Variants in GNAQ observed in about 807,000 individuals in gnomAD.
The protein encoded by GNAQ is G protein subunit alpha q, also known as guanine nucleotide-binding protein G(q) subunit alpha.
GNAQ carries 8 observed loss-of-function variants against 43.9 expected under a neutral mutation model. The observed-to-expected ratio is 0.18, with a 90% CI of 0.11 to 0.33. The LOEUF (loss-of-function observed/expected upper bound fraction) is 0.33, where lower values mean the gene tolerates loss of function less well. Among genes scored for constraint, GNAQ ranks in the 10% least tolerant of loss-of-function variants. The pLI, the probability that GNAQ is intolerant of heterozygous loss-of-function variation, is 1.00. For synonymous variants in GNAQ, 155 were observed against 170.7 expected, an observed-to-expected ratio of 0.91 and a Z score of 0.71; for missense variants, 158 against 450.8, an observed-to-expected ratio of 0.35 and a Z score of 5.88.
At chr9:77,986,614 T>C (rs1319282679) in intron 1 of GNAQ, among the ~76,000 whole-genome samples, 1 of 152,092 alleles carries the variant, frequency 6.6e-6, no homozygotes, top group African/African-American at 2.4e-5. Flanking sequence ...CAAATGATCC[T>C]TCCTCCTTAG....
At chr9:78,019,622 G>A (rs1267676047) in intron 1 of GNAQ, among the ~76,000 whole-genome samples, 4 of 152,074 alleles carry the variant, frequency 2.6e-5, no homozygotes, top group Non-Finnish European at 4.4e-5. Flanking sequence ...GTCATAATTA[G>A]AGACTTTAGG....
In GNAQ at chr9:77,827,376, A is replaced by G. The variant is rs569342535; in HGVS notation, c.322-11606T>C. Reference sequence around the variant, plus strand: ...ATGAAATCAAACCAAATCCATGTTTAAATAACTAAAAAAAAAAAAAAAAAA... The same window carrying G: ...ATGAAATCAAACCAAATCCATGTTTGAATAACTAAAAAAAAAAAAAAAAAA... On this transcript the variant is annotated intron_variant, in intron 2 of 6. Coordinates refer to ENST00000286548, the MANE Select transcript of GNAQ (RefSeq NM_002072.5). 3.3e-4 allele frequency among the ~76,000 whole-genome samples: 35 copies of G among 106,072 alleles called. 1 individual carries two copies. In the South Asian group the frequency reaches 5.2e-3, roughly 16 times the overall value. 69.6% of individuals were successfully genotyped at this position (106,072 alleles called of 152,430 possible). A position where few individuals can be genotyped will look rare whatever the true frequency, so the allele number is the denominator to read the frequency against.
intron 1 of GNAQ, among the ~76,000 whole-genome samples, chr9:77,947,086 C>A (rs529241126): frequency 6.6e-6 from 1 of 152,372 alleles, no homozygotes; most frequent in African/African-American, 2.4e-5. Flanking sequence ...CCCCAAATAT[C>A]CTTCTCTGCT....
intron 2 of GNAQ, among the ~76,000 whole-genome samples, chr9:77,818,746 T>A (rs1827060303): frequency 6.6e-6 from 1 of 152,102 alleles, no homozygotes; most frequent in Admixed American, 6.6e-5. Context: ...ATGCCTGTAA[T>A]CCTAGCACTT....
chr9:78,018,825 A>T (rs1823870314), intron 1 of GNAQ, among the ~76,000 whole-genome samples: 2 of 152,348 alleles, frequency 1.3e-5, no homozygotes, highest in Non-Finnish European at 2.9e-5. Context: ...AAACATAAAG[A>T]ATATTTTTAA....
At chr9:77,781,043 TCTC>T (rs1826386303) in intron 5 of GNAQ, among the ~76,000 whole-genome samples, 2 of 151,900 alleles carry the variant, frequency 1.3e-5, no homozygotes, top group Admixed American at 6.6e-5. Context: ...ACGGATATTT[TCTC>T]CTATCCAGTA....
At chr9:77,866,165 T>A (rs1016645999) in intron 2 of GNAQ, among the ~76,000 whole-genome samples, 1 of 152,162 alleles carries the variant, frequency 6.6e-6, no homozygotes, top group Non-Finnish European at 1.5e-5. Flanking sequence ...AGAATAAAGT[T>A]GGGCAGTGAT....
At chr9:77,756,891 A>G (rs1825912440) in intron 5 of GNAQ, among the ~76,000 whole-genome samples, 1 of 152,156 alleles carries the variant, frequency 6.6e-6, no homozygotes, top group Admixed American at 6.5e-5. Flanking sequence ...TCTTGTTCCC[A>G]TGAGACCTAT....
intron 2 of GNAQ, among the ~76,000 whole-genome samples, chr9:77,854,913 C>T (rs1564131073): frequency 1.3e-5 from 2 of 152,164 alleles, no homozygotes; most frequent in African/African-American, 4.8e-5. Flanking sequence ...TTGAAAAAAG[C>T]TTACATTTTC....
At chr9:77,829,432 G>A (rs1827261307) in intron 2 of GNAQ, among the ~76,000 whole-genome samples, 1 of 152,178 alleles carries the variant, frequency 6.6e-6, no homozygotes, top group South Asian at 2.1e-4. Flanking sequence ...ACCATACTAT[G>A]TTCCCTGCTT....
At chr9:77,868,781 G>A (rs376131103) in intron 2 of GNAQ, among the ~76,000 whole-genome samples, 1 of 151,832 alleles carries the variant, frequency 6.6e-6, no homozygotes, top group African/African-American at 2.4e-5. Context: ...GTGACAGAGC[G>A]AGACTCCATC....
intron 5 of GNAQ, among the ~76,000 whole-genome samples, chr9:77,740,460 A>C (rs1825635690): frequency 6.6e-6 from 1 of 152,248 alleles, no homozygotes; most frequent in African/African-American, 2.4e-5. Context: ...AATCAGAGTA[A>C]GTTTGGAACT....
chr9:77,890,896 C>T (rs1255461550), intron 2 of GNAQ, among the ~76,000 whole-genome samples: 1 of 152,126 alleles, frequency 6.6e-6, no homozygotes, highest in Non-Finnish European at 1.5e-5. Context: ...CCTACAATCC[C>T]AGTAGGAGGA....
chr9:77,885,465 T>A (rs1828286734), intron 2 of GNAQ, among the ~76,000 whole-genome samples: 1 of 152,208 alleles, frequency 6.6e-6, no homozygotes, highest in African/African-American at 2.4e-5. Flanking sequence ...ACCAACAGGG[T>A]CGGCCCTGTC....
At chr9:77,828,686 C>A (rs1364810272) in intron 2 of GNAQ, among the ~76,000 whole-genome samples, 1 of 152,196 alleles carries the variant, frequency 6.6e-6, no homozygotes, top group Non-Finnish European at 1.5e-5. Context: ...GCTGAGCTGT[C>A]TTGCCTTCTT....
At chr9:77,983,954 G>T (rs1159087802) in intron 1 of GNAQ, among the ~76,000 whole-genome samples, 3 of 140,438 alleles carry the variant, frequency 2.1e-5, no homozygotes, top group Non-Finnish European at 3.0e-5. Flanking sequence ...AGAAATAAAA[G>T]ATCTAACACG....
intron 2 of GNAQ, among the ~76,000 whole-genome samples, chr9:77,816,418 A>G (rs1055261439): frequency 2.0e-5 from 3 of 152,196 alleles, no homozygotes; most frequent in African/African-American, 7.2e-5. Flanking sequence ...CGCCCTATTC[A>G]ATTTTTTAAC....
chr9:78,016,942 T>C (rs1823846534), intron 1 of GNAQ, among the ~76,000 whole-genome samples: 1 of 152,170 alleles, frequency 6.6e-6, no homozygotes, highest in Non-Finnish European at 1.5e-5. Context: ...AACTGTTATG[T>C]GTTGTGTTAC....
intron 5 of GNAQ, among the ~76,000 whole-genome samples, chr9:77,760,891 C>T (rs1419434251): frequency 1.3e-5 from 2 of 148,978 alleles, no homozygotes; most frequent in South Asian, 2.2e-4. Context: ...TGCCTCTGCC[C>T]GGTCGCGACC....
Sources: allele counts gnomAD v4.1 joint callset (sites outside exome capture counted in the v4.1 genomes callset), GRCh38; gene constraint gnomAD v4.1.1; transcripts MANE v1.5; gene names NCBI Gene and HGNC (gene_info 2026-07-23, HGNC 2026-07-21).